The following PHC1 variants were observed in gnomAD, a reference collection of about 807,000 sequenced individuals.
PHC1 encodes polyhomeotic homolog 1, also known as polyhomeotic-like protein 1.
Under a neutral mutation model 104.3 loss-of-function variants are expected in PHC1, and 12 were observed. That is an observed-to-expected ratio of 0.12 (90% confidence interval 0.07 to 0.19). The LOEUF (loss-of-function observed/expected upper bound fraction) is 0.19, where lower values mean the gene tolerates loss of function less well. Among genes scored for constraint, PHC1 ranks in the 10% least tolerant of loss-of-function variants. The pLI is 1.00. For missense variants in PHC1, 671 were observed against 1,200.0 expected, an observed-to-expected ratio of 0.56 and a Z score of 6.51; for synonymous variants, 302 against 455.8, an observed-to-expected ratio of 0.66 and a Z score of 4.30.
rs909459021 is a variant in PHC1 at position 8,919,370 on chromosome 12, C to G, written c.115-386C>G. Among the ~76,000 whole-genome samples, 4 of 152,096 alleles carry G rather than the reference C, an allele frequency of 2.6e-5. No individual in the cohort carries two copies. Among genetic ancestry groups the G allele is most frequent in the Non-Finnish European group, 5.9e-5 (4 of 68,004 alleles). Reference sequence around the variant, plus strand: ...GCCACCACGCCTGGCTCAGAAAGATCTCTTGAGGCCAGGAGTTCAAGACCA... The same window carrying G: ...GCCACCACGCCTGGCTCAGAAAGATGTCTTGAGGCCAGGAGTTCAAGACCA... On this transcript the variant is annotated intron_variant, in intron 2 of 14. Transcript: ENST00000544916. This position sits in a 1 kb window ranked among gnomAD's most constrained non-coding sequence, Gnocchi z 4.9.
At chr12:8,918,903 G>A (rs1294300885) in intron 2 of PHC1, among the ~76,000 whole-genome samples, 1 of 152,148 alleles carries the variant, frequency 6.6e-6, no homozygotes, top group Non-Finnish European at 1.5e-5. Context: ...CCCAGATTAT[G>A]TAGCCTACTC....
chr12:8,939,311 A>G lies in PHC1; in HGVS notation c.2867A>G (p.Gln956Arg). Residue 956 changes from glutamine (Q) to arginine (R), a missense_variant, in exon 15 of 15, where the codon CAA becomes CGA. By Grantham distance (43) the Gln-to-Arg change is conservative. Transcript: ENST00000544916. ...TTCTCACCATTTCTTCTAGGCTGCCAAGAGATTGCAGAGGAATTTCGCTCA... is the reference window on the plus strand; with the variant it reads ...TTCTCACCATTTCTTCTAGGCTGCCGAGAGATTGCAGAGGAATTTCGCTCA... ...YEFIASLQGC[Q>R]EIAEEFRSQE... The G allele has an allele frequency of 6.2e-7, 1 of 1,614,132 alleles. No homozygotes were observed. Among genetic ancestry groups the G allele is most frequent in the South Asian group, 1.1e-5 (1 of 91,074 alleles).
chr12:8,922,707 G>A lies in PHC1; in HGVS notation c.531G>A (p.Leu177=), dbSNP rs1275081076. Residue 177 remains leucine, a synonymous_variant, in exon 6 of 15, where the codon CTG becomes CTA. Transcript: ENST00000544916. Reference sequence around the variant, plus strand: ...TGCCTCTAGCCTCCCAACTCATCCTGATGCCTAATGGGGCGGTGGCTGCAG... The same window carrying A: ...TGCCTCTAGCCTCCCAACTCATCCTAATGCCTAATGGGGCGGTGGCTGCAG... ...RNVPLASQLI[L]MPNGAVAAVQ... 1 of 1,610,094 alleles carries A rather than the reference G, an allele frequency of 6.2e-7. No homozygotes were observed. The highest frequency in any genetic ancestry group is 1.7e-5 in the Admixed American group (1 of 59,466).
chr12:8,922,927 A>G, intron 6 of PHC1, 139 bp downstream of exon 6: 2 of 697,698 alleles, frequency 2.9e-6, no homozygotes, highest in African/African-American at 1.8e-5. Context: ...TCCCTTAATC[A>G]CCATAGAACT....
intron 6 of PHC1, among the ~76,000 whole-genome samples, chr12:8,926,462 C>G (rs7297194): frequency 0.63 from 95,449 of 151,446 alleles, 31,308 homozygotes; most frequent in South Asian, 0.83. Flanking sequence ...ACTAAACATA[C>G]AAAAAAAATT....
chr12:8,925,973 G>T (rs965577490), intron 6 of PHC1, among the ~76,000 whole-genome samples: 7 of 152,190 alleles, frequency 4.6e-5, no homozygotes, highest in African/African-American at 1.7e-4. Context: ...GAAATGCATA[G>T]ATTTGAGGAT....
chr12:8,930,047 G>A lies in PHC1; in HGVS notation c.613-388G>A, dbSNP rs115426931. ...ATAAGTGATAATTTTCTTGTCTTCT[G>A]TAGTAGAAAGTAATCATTAAGAGCA... On this transcript the variant is annotated intron_variant, in intron 6 of 14. Transcript: ENST00000544916. Among the ~76,000 whole-genome samples, 1,360 of 152,242 alleles carry A rather than the reference G, an allele frequency of 8.9e-3. 18 individuals carry two copies. Among genetic ancestry groups the A allele is most frequent in the African/African-American group, 0.031 (1,270 of 41,526 alleles).
chr12:8,937,429 T>G, intron 13 of PHC1, 103 bp downstream of exon 13: 2 of 1,105,884 alleles, frequency 1.8e-6, no homozygotes, highest in Non-Finnish European at 2.5e-6. Flanking sequence ...AGATGAGAAC[T>G]CTGGTTTCAC....
chr12:8,918,662 C>T (rs1323292465), intron 2 of PHC1, among the ~76,000 whole-genome samples: 3 of 152,012 alleles, frequency 2.0e-5, no homozygotes, highest in Non-Finnish European at 4.4e-5. Context: ...CATTAATCGG[C>T]ATTTTGTTTA....
At chr12:8,938,198 C>T in intron 14 of PHC1, 138 bp downstream of exon 14, 1 of 616,328 alleles carries the variant, frequency 1.6e-6, no homozygotes, top group Non-Finnish European at 2.9e-6. Flanking sequence ...TCCTAATATT[C>T]AAGTTGACTT....
intron 6 of PHC1, among the ~76,000 whole-genome samples, chr12:8,926,411 G>A (rs753563476): frequency 6.6e-6 from 1 of 152,120 alleles, no homozygotes; most frequent in African/African-American, 2.4e-5. Context: ...GAGATCAGGA[G>A]TTTGAGACCA....
At chr12:8,920,015 C>A in intron 3 of PHC1, 149 bp downstream of exon 3, 1 of 1,237,806 alleles carries the variant, frequency 8.1e-7, no homozygotes, top group Non-Finnish European at 1.1e-6. Context: ...AGGATGGATG[C>A]ATCTTAGCTT....
At chr12:8,923,840 A>AG (rs1361516829) in intron 6 of PHC1, among the ~76,000 whole-genome samples, 1 of 151,704 alleles carries the variant, frequency 6.6e-6, no homozygotes. Flanking sequence ...AAAAAAAAAA[A>AG]AAAAAAGAAA....
At chr12:8,916,047 A>G (rs1277355809) in intron 1 of PHC1, 2 of 154,268 alleles carry the variant, frequency 1.3e-5, no homozygotes, top group African/African-American at 4.8e-5. Context: ...TTTTCTTCAC[A>G]TGCTGATAAT....
rs1945147780 is a variant in PHC1, at chr12:8,914,672, C to T, written c.-204C>T. ...CGGTCGCGCCGGGCGCCTCCCACCC[C>T]GCCCTCGGCGCCCCCGCCCCTCCAG... On this transcript the variant is annotated 5_prime_UTR_variant, in exon 1 of 15. Transcript: ENST00000544916. 1 of 150,454 alleles carries T rather than the reference C, an allele frequency of 6.6e-6. No homozygotes were observed. Among genetic ancestry groups the T allele is most frequent in the Admixed American group, 6.6e-5 (1 of 15,122 alleles). The allele number at this position is 150,454 out of a possible 1,614,324, so 9.3% of individuals were successfully genotyped here.
At position 8,939,814 on chromosome 12, in the gene PHC1, C is replaced by T; in HGVS notation, c.*355C>T. 8.5e-6 allele frequency: 4 copies of T among 468,926 alleles called. No individual in the cohort carries two copies. Among genetic ancestry groups the T allele is most frequent in the South Asian group, 4.6e-5 (3 of 64,654 alleles). 29.0% of individuals were successfully genotyped at this position (468,926 alleles called of 1,614,324 possible). A position where few individuals can be genotyped will look rare whatever the true frequency, so the allele number is the denominator to read the frequency against. ...TCTTAATTCTCCAAGAGGAGGAATA[C>T]ATAGTATGGTAAGGCAAGGAACTGG... On this transcript the variant is annotated 3_prime_UTR_variant, in exon 15 of 15. Transcript: ENST00000544916.
Position 8,939,952 on chromosome 12 carries a change from T to G in PHC1, c.*493T>G, listed in dbSNP as rs2137148379. 4.4e-6 allele frequency: 2 copies of G among 455,436 alleles called. No homozygotes were observed. Among genetic ancestry groups the G allele is most frequent in the East Asian group, 6.9e-5 (1 of 14,406 alleles). The allele number at this position is 455,436 out of a possible 1,614,324, so 28.2% of individuals were successfully genotyped here. ...CCCAGTGTAGCTGTGGCTCAGAGTTTTTTCTTTTTGTTGTCACTTACTCCC... is the reference window on the plus strand; with the variant it reads ...CCCAGTGTAGCTGTGGCTCAGAGTTGTTTCTTTTTGTTGTCACTTACTCCC... On this transcript the variant is annotated 3_prime_UTR_variant, in exon 15 of 15. Transcript: ENST00000544916.
chr12:8,924,933 G>A (rs532602517), intron 6 of PHC1, among the ~76,000 whole-genome samples: 6 of 152,184 alleles, frequency 3.9e-5, no homozygotes, highest in Non-Finnish European at 8.8e-5. Context: ...AACTCTTGTG[G>A]TCATCTAGCT....
chr12:8,931,650 G>A (rs757554920), intron 7 of PHC1, among the ~76,000 whole-genome samples: 24 of 152,084 alleles, frequency 1.6e-4, no homozygotes, highest in Non-Finnish European at 2.6e-4. Flanking sequence ...CAGTGAGCTG[G>A]GATCACACCA....
Sources: gnomAD v4.1 joint callset for allele counts (sites outside exome capture counted in the v4.1 genomes callset) on GRCh38, gnomAD v4.1.1 for gene constraint, Gnocchi (gnomAD v3.1) non-coding constraint, MANE v1.5 for transcripts, NCBI Gene and HGNC (gene_info 2026-07-23, HGNC 2026-07-21) for gene names.